Variants in WDR72 observed in about 807,000 individuals in gnomAD.
WDR72 encodes WD repeat-containing protein 72.
A neutral mutation model predicts 124.2 loss-of-function variants in WDR72; 120 were observed. The ratio of observed to expected loss-of-function variants is 0.97; its 90% CI spans 0.83 to 1.12. The LOEUF is 1.12. WDR72 is among the 50% of genes most tolerant of loss of function. WDR72 has a pLI of 0.00. For synonymous variants in WDR72, 452 were observed against 441.7 expected (o/e 1.02, Z -0.29); for missense variants, 1,387 against 1,278.8 (o/e 1.08, Z -1.29).
chr15:53,522,977 A>G (rs1474415537), intron 19 of WDR72, among the ~76,000 whole-genome samples: 1 of 152,080 alleles, frequency 6.6e-6, no homozygotes, highest in Non-Finnish European at 1.5e-5. Flanking sequence ...ATAATGAACT[A>G]ATAGTGTCAG....
chr15:53,698,272 G>C (rs1447579700), intron 13 of WDR72, among the ~76,000 whole-genome samples: 1 of 152,138 alleles, frequency 6.6e-6, no homozygotes, highest in Non-Finnish European at 1.5e-5. Flanking sequence ...TGAGTGCCCA[G>C]ATATTTATTT....
chr15:53,668,899 C>G (rs1237274941), intron 13 of WDR72, among the ~76,000 whole-genome samples: 3 of 96,202 alleles, frequency 3.1e-5, no homozygotes, highest in African/African-American at 1.1e-4. Flanking sequence ...GGTGAGACCT[C>G]GTCTCAAAAA....
intron 19 of WDR72, among the ~76,000 whole-genome samples, chr15:53,522,020 C>T (rs1279723527): frequency 6.6e-6 from 1 of 151,926 alleles, no homozygotes; most frequent in Non-Finnish European, 1.5e-5. Flanking sequence ...TTCTCAGTTC[C>T]ATGGGATCTG....
intron 18 of WDR72, among the ~76,000 whole-genome samples, chr15:53,573,786 T>C (rs1894651524): frequency 6.6e-6 from 1 of 152,248 alleles, no homozygotes; most frequent in Non-Finnish European, 1.5e-5. Flanking sequence ...CCTCAGGTGA[T>C]CCACTGGCCT....
intron 18 of WDR72, among the ~76,000 whole-genome samples, chr15:53,591,003 G>A (rs1309370100): frequency 6.6e-6 from 1 of 152,002 alleles, no homozygotes; most frequent in East Asian, 1.9e-4. Flanking sequence ...GCATTTCTTA[G>A]TCAGATGATC....
intron 14 of WDR72, among the ~76,000 whole-genome samples, chr15:53,657,263 C>CAAAAAAAAAAAAAAAAAAAAAAAAA (rs10549551): frequency 5.3e-5 from 3 of 56,400 alleles, no homozygotes; most frequent in African/African-American, 1.5e-4. Context: ...GACTCCATCT[C>CAAAAAAAAAAAAAAAAAAAAAAAAA]AAAAAAAAAA....
chr15:53,723,858 G>T (rs1595875021), intron 2 of WDR72, among the ~76,000 whole-genome samples: 1 of 152,194 alleles, frequency 6.6e-6, no homozygotes, highest in East Asian at 1.9e-4. Context: ...GTTTAGTACA[G>T]ATGCAATCCT....
intron 18 of WDR72, among the ~76,000 whole-genome samples, chr15:53,533,090 C>G (rs925589543): frequency 1.3e-5 from 2 of 152,034 alleles, no homozygotes; most frequent in African/African-American, 4.8e-5. Flanking sequence ...AATCAACCAA[C>G]CACAAGGAAA....
intron 2 of WDR72, among the ~76,000 whole-genome samples, chr15:53,725,619 C>T (rs904795163): frequency 6.6e-6 from 1 of 151,948 alleles, no homozygotes. Context: ...TATTACTCAG[C>T]GCTAAAAAGA....
upstream of WDR72, chr15:53,759,768 G>T (rs1391024906): frequency 7.1e-6 from 1 of 140,734 alleles, no homozygotes; most frequent in Non-Finnish European, 1.5e-5. Flanking sequence ...CGCGGACCGG[G>T]CTAGCTCTGG....
chr15:53,659,794 C>CTA (rs2015549373), intron 14 of WDR72, among the ~76,000 whole-genome samples: 1 of 151,792 alleles, frequency 6.6e-6, no homozygotes, highest in African/African-American at 2.4e-5. Flanking sequence ...AACAGTTATA[C>CTA]ACTGTCAAAA....
intron 14 of WDR72, among the ~76,000 whole-genome samples, chr15:53,661,221 G>C (rs1167096835): frequency 6.6e-6 from 1 of 152,136 alleles, no homozygotes; most frequent in African/African-American, 2.4e-5. Flanking sequence ...AATACCTGAT[G>C]CTGAGTAATA....
intron 18 of WDR72, among the ~76,000 whole-genome samples, chr15:53,530,846 T>G (rs1892418465): frequency 6.6e-6 from 1 of 152,032 alleles, no homozygotes; most frequent in African/African-American, 2.4e-5. Flanking sequence ...GAGAAAAAAC[T>G]GTTAAATGGC....
intron 1 of WDR72, chr15:53,756,709 G>A (rs978691077): frequency 3.3e-5 from 5 of 152,082 alleles, no homozygotes; most frequent in African/African-American, 7.2e-5. Context: ...CTTAGATTAC[G>A]TTCACTGCTT....
intron 1 of WDR72, among the ~76,000 whole-genome samples, chr15:53,755,242 T>C (rs954613398): frequency 6.6e-6 from 1 of 152,232 alleles, no homozygotes; most frequent in East Asian, 1.9e-4. Flanking sequence ...GAAATCAAAA[T>C]GCATATAAAG....
chr15:53,543,551 C>A (rs552222874), intron 18 of WDR72, among the ~76,000 whole-genome samples: 361 of 149,126 alleles, frequency 2.4e-3, no homozygotes, highest in African/African-American at 8.5e-3. Context: ...AGGAAAGATC[C>A]AAAATTGACA....
At chr15:53,629,483 A>G (rs909897694) in intron 14 of WDR72, among the ~76,000 whole-genome samples, 19 of 152,134 alleles carry the variant, frequency 1.2e-4, no homozygotes, top group African/African-American at 4.3e-4. Context: ...TGGAAGAAAA[A>G]AAAAGTAAAA....
At chr15:53,642,692 T>C (rs1440201289) in intron 14 of WDR72, among the ~76,000 whole-genome samples, 2 of 152,060 alleles carry the variant, frequency 1.3e-5, no homozygotes, top group African/African-American at 4.8e-5. Flanking sequence ...ACATAAACCA[T>C]ACCTGAAAAC....
intron 9 of WDR72, 33 bp downstream of exon 9, chr15:53,710,824 A>G (rs1366035734): frequency 1.4e-5 from 21 of 1,521,976 alleles, no homozygotes; most frequent in Admixed American, 1.7e-5. Context: ...TGAGTGAAAC[A>G]GCTTTGAGGC....
Sources: gnomAD v4.1 joint callset for allele counts (sites outside exome capture counted in the v4.1 genomes callset) on GRCh38, gnomAD v4.1.1 for gene constraint, MANE v1.5 for transcripts, NCBI Gene and HGNC (gene_info 2026-07-23, HGNC 2026-07-21) for gene names.